C16orf96: variants seen among roughly 807,000 people sequenced by gnomAD.
The protein encoded by C16orf96 is chromosome 16 open reading frame 96.
C16orf96 carries 108 observed loss-of-function variants against 103.6 expected under a neutral mutation model. The ratio of observed to expected loss-of-function variants is 1.04; its 90% CI spans 0.89 to 1.22. The LOEUF is 1.22. Among genes scored for constraint, C16orf96 ranks in the 50% most tolerant of loss-of-function variants. The pLI is 0.00. For synonymous variants in C16orf96, 566 were observed against 593.5 expected (o/e 0.95, Z 0.67); for missense variants, 1,586 against 1,464.2 (o/e 1.08, Z -1.36).
chr16:4,600,054 A>G (rs1897250756), intron 15 of C16orf96, 46 bp from the exon 16 acceptor site: 4 of 1,517,228 alleles, frequency 2.6e-6, no homozygotes, highest in East Asian at 2.5e-5. Flanking sequence ...GTGTCTCCCA[A>G]GAAGGTTCTT....
the C16orf96 span, among the ~76,000 whole-genome samples, chr16:4,541,195 A>G: frequency 6.6e-6 from 1 of 152,192 alleles, no homozygotes; most frequent in Non-Finnish European, 1.5e-5. Flanking sequence ...TACAGGCGTG[A>G]GCCACCGCGC....
intron 7 of C16orf96, among the ~76,000 whole-genome samples, chr16:4,585,205 C>T (rs765625929): frequency 6.7e-6 from 1 of 148,392 alleles, no homozygotes. Flanking sequence ...GTAATCCCAG[C>T]ACTTTGGGAG....
At position 4,576,254 on chromosome 16, in the gene C16orf96, G is replaced by A; in HGVS notation, c.1774G>A (p.Ala592Thr). 1 of 1,550,814 alleles carries A rather than the reference G, an allele frequency of 6.4e-7. No individual in the cohort carries two copies. The highest frequency in any genetic ancestry group is 8.7e-7 in the Non-Finnish European group (1 of 1,146,992). The change falls in exon 5 of 16, where the codon GCT (alanine) becomes ACT (threonine). Residue 592 changes from alanine to threonine, a missense_variant. Transcript: ENST00000444310. ...TSSAAQAAKVAAKFVKDAPAT... is the reference protein window; with the variant it reads ...TSSAAQAAKVTAKFVKDAPAT... The stretch of plus-strand genomic sequence containing the variant: ...CTCCGCTGCCCAGGCAGCCAAAGTT[G>A]CTGCCAAGTTTGTCAAGGATGCCCC...
intron 9 of C16orf96, among the ~76,000 whole-genome samples, chr16:4,590,716 G>C (rs1897037461): frequency 1.3e-5 from 2 of 150,380 alleles, no homozygotes; most frequent in Non-Finnish European, 3.0e-5. Flanking sequence ...AACCCCGTCT[G>C]TACTAAAAAT....
chr16:4,552,438 C>T (rs985122398), upstream of C16orf96, among the ~76,000 whole-genome samples: 23 of 146,810 alleles, frequency 1.6e-4, no homozygotes, highest in Non-Finnish European at 2.4e-4. Flanking sequence ...GCCGAGATCG[C>T]GCCATTGCAC....
chr16:4,565,529 C>T (rs972315889), intron 1 of C16orf96, among the ~76,000 whole-genome samples: 2 of 152,238 alleles, frequency 1.3e-5, no homozygotes, highest in African/African-American at 4.8e-5. Flanking sequence ...GGCTCTGGCG[C>T]CCAGGCTGGA....
At position 4,571,585 on chromosome 16, in the gene C16orf96, C is replaced by T. The variant is rs1567443193; in HGVS notation, c.445C>T (p.Leu149Phe). The change falls in exon 2 of 16, where the codon CTC (leucine) becomes TTC (phenylalanine). Residue 149 changes from leucine to phenylalanine, a missense_variant. By Grantham distance (22) the Leu-to-Phe change is conservative. Transcript: ENST00000444310. ...GTCAATGCAGACCCTGCAGGACTTG[C>T]TCACTGATCTTCATGCACTCCAGGT... ...AKSMQTLQDLLTDLHALQVTI... is the reference protein window; with the variant it reads ...AKSMQTLQDLFTDLHALQVTI... 1.3e-6 allele frequency: 2 copies of T among 1,552,278 alleles called. No individual in the cohort carries two copies. The highest frequency in any genetic ancestry group is 2.0e-5 in the Admixed American group (1 of 51,002).
chr16:4,567,595 T>A (rs2059395444), intron 1 of C16orf96, among the ~76,000 whole-genome samples: 1 of 151,626 alleles, frequency 6.6e-6, no homozygotes, highest in Admixed American at 6.6e-5. Context: ...CTTTGACATA[T>A]TCCTTTTGTG....
chr16:4,586,237 G>A lies in C16orf96; in HGVS notation c.2353-802G>A, dbSNP rs142062129. Among the ~76,000 whole-genome samples, 337 of 152,296 alleles carry A rather than the reference G, an allele frequency of 2.2e-3. 3 individuals are homozygous for A. Among genetic ancestry groups the A allele is most frequent in the African/African-American group, 7.8e-3 (323 of 41,548 alleles). On this transcript the variant is annotated intron_variant, in intron 7 of 15. Transcript: ENST00000444310. ...ATGGCGCCACTGCACTCCAGCCTGG[G>A]CGACAGAGCAGATTCTGTAAAAAAC...
chr16:4,545,104 T>C, the C16orf96 span, among the ~76,000 whole-genome samples: 1 of 152,292 alleles, frequency 6.6e-6, no homozygotes, highest in South Asian at 2.1e-4. Context: ...GACCAGACAT[T>C]AGTTGGGTGC....
Position 4,581,626 on chromosome 16 carries a change from C to G in C16orf96, c.2352+1501C>G, listed in dbSNP as rs149702642. On this transcript the variant is annotated intron_variant, in intron 7 of 15. Coordinates refer to ENST00000444310, the MANE Select transcript of C16orf96 (RefSeq NM_001145011.2). ...CCAGCCTGGGCGACAGAGCAAGACT[C>G]CGTCTCAAAAAACAAAAACAAAAAC... Among the ~76,000 whole-genome samples, 364 of 151,534 alleles carry G rather than the reference C, an allele frequency of 2.4e-3. 4 individuals are homozygous for G. The highest frequency in any genetic ancestry group is 8.6e-3 in the African/African-American group (354 of 41,284).
intron 15 of C16orf96, among the ~76,000 whole-genome samples, 179 bp downstream of exon 15, chr16:4,599,543 C>T (rs980757838): frequency 2.6e-5 from 4 of 152,364 alleles, no homozygotes; most frequent in African/African-American, 7.2e-5. Flanking sequence ...GTGCCATCCC[C>T]GGTGCCCAGG....
At chr16:4,587,529 CA>C (rs59504956) in intron 8 of C16orf96, among the ~76,000 whole-genome samples, 69 of 118,664 alleles carry the variant, frequency 5.8e-4, no homozygotes, top group African/African-American at 2.1e-3. Context: ...AACTCTGTCT[CA>C]AAAAAAAAAA....
At position 4,575,008 on chromosome 16, in the gene C16orf96, A is replaced by G. The variant is rs1215928532; in HGVS notation, c.643A>G (p.Thr215Ala). ...GAATAAGTTTAAAACCATCCCCAAAACCGAGGACATGGTGCTCTGGAGTGG... is the reference window on the plus strand; with the variant it reads ...GAATAAGTTTAAAACCATCCCCAAAGCCGAGGACATGGTGCTCTGGAGTGG... ...LQNKFKTIPK[T>A]EDMVLWSGLH... The change falls in exon 4 of 16, where the codon ACC (threonine) becomes GCC (alanine). Residue 215 changes from threonine (T) to alanine (A), a missense_variant. By Grantham distance (58) the Thr-to-Ala change is moderately conservative. Transcript: ENST00000444310. The G allele has an allele frequency of 6.4e-7, 1 of 1,551,310 alleles. No homozygotes were observed. Among genetic ancestry groups the G allele is most frequent in the South Asian group, 1.2e-5 (1 of 84,042 alleles).
In C16orf96 at chr16:4,599,313, A is replaced by G; in HGVS notation, c.3157A>G (p.Ser1053Gly). 3.2e-6 allele frequency: 5 copies of G among 1,551,564 alleles called. No homozygotes were observed. Among genetic ancestry groups the G allele is most frequent in the Non-Finnish European group, 4.4e-6 (5 of 1,146,934 alleles). ...AVKAPSPPSQ[S>G]LYDRVHSSAL... ...GAAGGCTCCATCTCCCCCGTCACAA[A>G]GCCTGTATGACCGTGTGCACTCCAG... The change falls in exon 15 of 16, where the codon AGC becomes GGC. Residue 1053 changes from serine (S) to glycine (G), a missense_variant. By Grantham distance (56) the Ser-to-Gly change is moderately conservative. Coordinates refer to ENST00000444310, the MANE Select transcript of C16orf96 (RefSeq NM_001145011.2).
At chr16:4,576,823 G>T (rs1251131501) in intron 5 of C16orf96, among the ~76,000 whole-genome samples, 188 bp downstream of exon 5, 1 of 152,186 alleles carries the variant, frequency 6.6e-6, no homozygotes, top group African/African-American at 2.4e-5. Flanking sequence ...TGTACAATGA[G>T]GTCTTATCTT....
intron 7 of C16orf96, among the ~76,000 whole-genome samples, chr16:4,582,925 G>C (rs755461357): frequency 4.6e-5 from 7 of 152,146 alleles, no homozygotes; most frequent in Non-Finnish European, 8.8e-5. Context: ...CCAGCTTCCT[G>C]GCTCTTGTGC....
At position 4,575,190 on chromosome 16, in the gene C16orf96, CA is replaced by C. The variant is rs2059486709; in HGVS notation, c.711del (p.Leu238TrpfsTer7). The C allele has an allele frequency of 6.5e-7, 1 of 1,546,578 alleles. No homozygotes were observed. Among genetic ancestry groups the C allele is most frequent in the African/African-American group, 1.4e-5 (1 of 73,056 alleles). ...AMFTSEIGSSPLDLWQSVEQL... is the reference protein window; with the variant it reads ...AMFTSEIGSSXLDLWQSVEQL... ...CTTCTGCAGGAAATTGGTTCATCACCACTGGACCTGTGGCAGTCTGTAGAGC... is the reference window on the plus strand; with the variant it reads ...CTTCTGCAGGAAATTGGTTCATCACCCTGGACCTGTGGCAGTCTGTAGAGC... On this transcript the variant is annotated frameshift_variant, in exon 5 of 16. Coordinates refer to ENST00000444310, the MANE Select transcript of C16orf96 (RefSeq NM_001145011.2). LOFTEE classifies it high-confidence loss of function.
intron 1 of C16orf96, among the ~76,000 whole-genome samples, chr16:4,563,566 TTTTG>T (rs915719833): frequency 5.6e-4 from 84 of 150,228 alleles, no homozygotes; most frequent in African/African-American, 1.9e-3. Flanking sequence ...TTAACCTTTT[TTTTG>T]TTTGTTTGTT....
Sources: allele counts gnomAD v4.1 joint callset (sites outside exome capture counted in the v4.1 genomes callset), GRCh38; gene constraint gnomAD v4.1.1; transcripts MANE v1.5; gene names NCBI Gene and HGNC (gene_info 2026-07-23, HGNC 2026-07-21).